AKAIN1: variants seen among roughly 807,000 people sequenced by gnomAD.
The protein encoded by AKAIN1 is A-kinase anchor protein inhibitor 1.
In AKAIN1, 3 loss-of-function variants were observed where a neutral mutation model predicts 3.7. The observed-to-expected ratio is 0.82, with a 90% CI of 0.37 to 2.12. The LOEUF is 2.12. Ranked by LOEUF, AKAIN1 falls within the 30% of genes most tolerant of loss-of-function variation. AKAIN1 has a pLI of 0.06. For synonymous variants in AKAIN1, 31 were observed against 30.8 expected (o/e 1.01, Z -0.02); for missense variants, 82 against 82.7 (o/e 0.99, Z 0.03).
intron 1 of AKAIN1, among the ~76,000 whole-genome samples, chr18:5,173,797 A>G (rs292326): frequency 0.015 from 2,324 of 152,162 alleles, 46 homozygotes; most frequent in African/African-American, 0.045. Flanking sequence ...ATTAAGTGCT[A>G]TGGAAGTGCT....
At chr18:5,157,180 G>A (rs566365112) in intron 1 of AKAIN1, among the ~76,000 whole-genome samples, 2 of 152,246 alleles carry the variant, frequency 1.3e-5, no homozygotes, top group East Asian at 3.9e-4. Flanking sequence ...TCACACACGG[G>A]ATTAGATCTG....
chr18:5,197,254 C>T lies in AKAIN1; in HGVS notation c.-201G>A. 7.3e-7 allele frequency: 1 copy of T among 1,378,978 alleles called. No individual in the cohort carries two copies. Among genetic ancestry groups the T allele is most frequent in the Non-Finnish European group, 9.3e-7 (1 of 1,076,784 alleles). 85.4% of individuals were successfully genotyped at this position (1,378,978 alleles called of 1,614,324 possible). On this transcript the variant is annotated 5_prime_UTR_variant, in exon 1 of 2. The change creates a new upstream start codon in the 5' untranslated region. Transcript: ENST00000434239. This position sits in a 1 kb window ranked among gnomAD's most constrained non-coding sequence, Gnocchi z 6.9. Reference sequence around the variant, plus strand: ...GCCGCCGCCGCGCGCTCTGCCTCCACAATGCGGCCACAGCGGCGGCGGGAG... The same window carrying T: ...GCCGCCGCCGCGCGCTCTGCCTCCATAATGCGGCCACAGCGGCGGCGGGAG...
intron 1 of AKAIN1, among the ~76,000 whole-genome samples, chr18:5,176,073 G>A (rs1418768946): frequency 1.3e-5 from 2 of 152,084 alleles, no homozygotes; most frequent in African/African-American, 2.4e-5. Context: ...CCTGGAGAAG[G>A]GAGAGAGGAA....
chr18:5,148,958 A>G (rs1294447851), intron 1 of AKAIN1, among the ~76,000 whole-genome samples: 2 of 152,234 alleles, frequency 1.3e-5, no homozygotes, highest in African/African-American at 4.8e-5. Flanking sequence ...ACTTCCAAGC[A>G]AAGCCAAGGC....
chr18:5,145,595 A>C lies in AKAIN1; in HGVS notation c.177T>G (p.Val59=), dbSNP rs924501680. ...TTTCGTGCTTCTTGGTTAACTCCCC[A>C]ACGCCCAGTTGGATGTGGTCCCGGT... ...SDNRDHIQLG[V]GELTKKHEKK is the part of the protein sequence containing the mutation. Residue 59 remains valine, a synonymous_variant, in exon 2 of 2, where the codon GTT becomes GTG. Transcript: ENST00000434239. The C allele has an allele frequency of 3.2e-6, 5 of 1,551,592 alleles. No homozygotes were observed. The highest frequency in any genetic ancestry group is 4.4e-6 in the Non-Finnish European group (5 of 1,146,940).
intron 1 of AKAIN1, among the ~76,000 whole-genome samples, chr18:5,172,255 G>C (rs2071201887): frequency 6.6e-6 from 1 of 152,002 alleles, no homozygotes; most frequent in Admixed American, 6.6e-5. Flanking sequence ...ATTAAAACAG[G>C]ATGACTTTAG....
At chr18:5,196,922 T>C in intron 1 of AKAIN1, 116 bp downstream of exon 1, 1 of 962,348 alleles carries the variant, frequency 1.0e-6, no homozygotes, top group Non-Finnish European at 1.6e-6. Context: ...GCACAGACAG[T>C]AACTCCGAAA....
upstream of AKAIN1, chr18:5,197,505 A>AAAAAAAAAAAC (rs1159056168): frequency 1.0e-4 from 104 of 1,024,798 alleles, 4 homozygotes; most frequent in Non-Finnish European, 1.1e-4. The surrounding 1 kb of genome is among the most constrained non-coding windows in gnomAD (Gnocchi z 6.9). Flanking sequence ...TAGATTTGTC[A>AAAAAAAAAAAC]AAAAAAAAAA....
At chr18:5,166,342 G>A (rs766422840) in intron 1 of AKAIN1, among the ~76,000 whole-genome samples, 2 of 151,954 alleles carry the variant, frequency 1.3e-5, no homozygotes, top group Non-Finnish European at 2.9e-5. Context: ...TGACTCTTCA[G>A]GCACTAGTGA....
At chr18:5,166,604 A>G (rs759995640) in intron 1 of AKAIN1, among the ~76,000 whole-genome samples, 1 of 152,140 alleles carries the variant, frequency 6.6e-6, no homozygotes, top group Non-Finnish European at 1.5e-5. Flanking sequence ...AGAAGAAAAC[A>G]AAGTTTGTTG....
rs1444100603 is a variant in AKAIN1, at chr18:5,144,086, C to T, written c.*1476G>A. Among the ~76,000 whole-genome samples, 7 of 152,078 alleles carry T rather than the reference C, an allele frequency of 4.6e-5. No homozygotes were observed. The highest frequency in any genetic ancestry group is 8.8e-5 in the Non-Finnish European group (6 of 68,020). On this transcript the variant is annotated 3_prime_UTR_variant, in exon 2 of 2. Coordinates refer to ENST00000434239, the MANE Select transcript of AKAIN1 (RefSeq NM_001145194.2). ...AGTAAACAATCTTTAAATTTTAAGC[C>T]CTTCTGCTTCCTTCTCCTTCCATGT...
intron 1 of AKAIN1, among the ~76,000 whole-genome samples, chr18:5,175,843 C>T (rs1320064816): frequency 6.6e-6 from 1 of 151,662 alleles, no homozygotes; most frequent in African/African-American, 2.4e-5. Flanking sequence ...AAACATGAAG[C>T]GGCAATTTCA....
rs1421999023 is a variant in AKAIN1 at position 5,144,415 on chromosome 18, A to C, written c.*1147T>G. On this transcript the variant is annotated 3_prime_UTR_variant, in exon 2 of 2. Coordinates refer to ENST00000434239, the MANE Select transcript of AKAIN1 (RefSeq NM_001145194.2). The stretch of plus-strand genomic sequence containing the variant: ...AAGCCCAGGAAATGGGACTGTAGAT[A>C]CTCCAGAAATATGTGCATTATCCTC... Among the ~76,000 whole-genome samples, 1 of 152,164 alleles carries C rather than the reference A, an allele frequency of 6.6e-6. No individual in the cohort carries two copies. Among genetic ancestry groups the C allele is most frequent in the Non-Finnish European group, 1.5e-5 (1 of 68,042 alleles).
intron 1 of AKAIN1, among the ~76,000 whole-genome samples, chr18:5,165,362 T>C (rs292319): frequency 0.61 from 92,372 of 151,770 alleles, 29,003 homozygotes; most frequent in African/African-American, 0.76. Context: ...CCAAAGGGGG[T>C]AGGAGACAAT....
chr18:5,189,236 A>T (rs2071304913), intron 1 of AKAIN1, among the ~76,000 whole-genome samples: 2 of 152,164 alleles, frequency 1.3e-5, no homozygotes, highest in South Asian at 4.1e-4. Context: ...TAAGAGGGAC[A>T]ACCTAGAAGA....
intron 1 of AKAIN1, among the ~76,000 whole-genome samples, chr18:5,168,862 A>C (rs376007): frequency 0.61 from 89,430 of 147,114 alleles, 28,094 homozygotes; most frequent in African/African-American, 0.76. Context: ...GAGGCAATTC[A>C]TTAAAAAAAA....
intron 1 of AKAIN1, among the ~76,000 whole-genome samples, chr18:5,190,451 A>T (rs1317800223): frequency 6.6e-6 from 1 of 152,204 alleles, no homozygotes; most frequent in Non-Finnish European, 1.5e-5. Flanking sequence ...ATATTTACTA[A>T]AAATTGAATT....
At chr18:5,151,224 T>C (rs978887594) in intron 1 of AKAIN1, among the ~76,000 whole-genome samples, 4 of 152,206 alleles carry the variant, frequency 2.6e-5, no homozygotes, top group Non-Finnish European at 5.9e-5. Context: ...GCAAAGATAG[T>C]ATGATCATTT....
chr18:5,170,262 TC>T (rs376797070), intron 1 of AKAIN1, among the ~76,000 whole-genome samples: 87 of 152,198 alleles, frequency 5.7e-4, no homozygotes, highest in African/African-American at 2.0e-3. Flanking sequence ...TGAATCAGGT[TC>T]CAAGGATCTC....
Sources: gnomAD v4.1 joint callset for allele counts (sites outside exome capture counted in the v4.1 genomes callset) on GRCh38, gnomAD v4.1.1 for gene constraint, Gnocchi (gnomAD v3.1) non-coding constraint, MANE v1.5 for transcripts, NCBI Gene and HGNC (gene_info 2026-07-23, HGNC 2026-07-21) for gene names.